The following LRMDA variants were observed in gnomAD, a reference collection of about 807,000 sequenced individuals.
The protein encoded by LRMDA is leucine rich melanocyte differentiation associated.
In LRMDA, 18 loss-of-function variants were observed where a neutral mutation model predicts 29.8. The ratio of observed to expected loss-of-function variants is 0.60; its 90% CI spans 0.42 to 0.90. The LOEUF (loss-of-function observed/expected upper bound fraction) is 0.90. Among genes scored for constraint, LRMDA ranks in the 40% least tolerant of loss-of-function variants. The probability of loss-of-function intolerance (pLI) is 0.00; values close to 1 mark genes in which losing one functional copy is unlikely to be tolerated. For synonymous variants in LRMDA, 125 were observed against 109.4 expected (o/e 1.14, Z -0.89); for missense variants, 273 against 273.9 (o/e 1.00, Z 0.02).
At chr10:76,468,989 A>G (rs1246260307) in intron 6 of LRMDA, among the ~76,000 whole-genome samples, 5 of 152,210 alleles carry the variant, frequency 3.3e-5, no homozygotes, top group Admixed American at 3.3e-4. Flanking sequence ...AAGCAAATGT[A>G]ACTGGTGAAG....
chr10:75,774,714 A>G (rs1008265813), intron 2 of LRMDA, among the ~76,000 whole-genome samples: 1 of 151,446 alleles, frequency 6.6e-6, no homozygotes, highest in Non-Finnish European at 1.5e-5. Context: ...TTTTTGCTTT[A>G]TTTATATCTG....
chr10:75,464,319 A>C (rs1054829503), intron 2 of LRMDA, among the ~76,000 whole-genome samples: 4 of 152,164 alleles, frequency 2.6e-5, no homozygotes, highest in Non-Finnish European at 4.4e-5. Context: ...GACATGTACT[A>C]ATGTTTGTGT....
Position 76,036,140 on chromosome 10 carries a change from CT to C in LRMDA, c.258+9del, listed in dbSNP as rs1239062379. On this transcript the variant is annotated splice_region_variant and intron_variant, in intron 3 of 6. Transcript: ENST00000611255. ...TAACCCTCAACAAGAACCGAATATC[CT>C]TTCCTCTGCCCGCTGCCCCCACTCC... The C allele has an allele frequency of 3.1e-6, 5 of 1,612,072 alleles. No homozygotes were observed. The highest frequency in any genetic ancestry group is 2.0e-4 in the Middle Eastern group (1 of 5,128).
intron 6 of LRMDA, among the ~76,000 whole-genome samples, chr10:76,469,280 A>G (rs1047955353): frequency 1.3e-5 from 2 of 152,020 alleles, no homozygotes; most frequent in African/African-American, 4.8e-5. Flanking sequence ...GGCTGCCAAC[A>G]TTTCTTATTC....
In LRMDA at chr10:76,233,210, A is replaced by G. The variant is rs549546691; in HGVS notation, c.517-91191A>G. Among the ~76,000 whole-genome samples, 9 of 152,368 alleles carry G rather than the reference A, an allele frequency of 5.9e-5. No homozygotes were observed. In the East Asian group the frequency reaches 1.7e-3, roughly 29 times the overall value. On this transcript the variant is annotated intron_variant, in intron 5 of 6. Transcript: ENST00000611255. ...ATAAAACAAAAATTGCAATAAAGCA[A>G]GTAACATGAATGTTTGGTTTTCCCA...
intron 2 of LRMDA, among the ~76,000 whole-genome samples, chr10:75,555,782 A>C (rs1009892936): frequency 3.3e-5 from 5 of 152,220 alleles, no homozygotes; most frequent in Non-Finnish European, 7.3e-5. Flanking sequence ...AATAGCAAGC[A>C]ATGATTTGAT....
At chr10:75,814,706 T>G (rs997435376) in intron 2 of LRMDA, among the ~76,000 whole-genome samples, 2 of 152,144 alleles carry the variant, frequency 1.3e-5, no homozygotes, top group Non-Finnish European at 2.9e-5. Context: ...TCAAGCCCAG[T>G]GATAAAAGCA....
intron 2 of LRMDA, among the ~76,000 whole-genome samples, chr10:75,721,034 T>C (rs1389357299): frequency 1.3e-5 from 2 of 152,196 alleles, no homozygotes; most frequent in Admixed American, 6.5e-5. Flanking sequence ...CCGTGGAAGA[T>C]AGGTGGAAAT....
chr10:76,324,442 C>T lies in LRMDA; in HGVS notation c.558C>T (p.Tyr186=). Residue 186 remains tyrosine, a synonymous_variant, in exon 6 of 7, where the codon TAC becomes TAT. Coordinates refer to ENST00000611255, the MANE Select transcript of LRMDA (RefSeq NM_001305581.2). ...EDVASSPERH[Y]TPLPSASREL... ...TTGCCAGCTCCCCGGAGCGCCACTA[C>T]ACGCCCTTGCCTTCTGCTTCCAGGG... 6.2e-7 allele frequency: 1 copy of T among 1,614,124 alleles called. No homozygotes were observed. Among genetic ancestry groups the T allele is most frequent in the South Asian group, 1.1e-5 (1 of 91,060 alleles).
At chr10:76,238,666 G>A (rs886540011) in intron 5 of LRMDA, among the ~76,000 whole-genome samples, 15 of 151,954 alleles carry the variant, frequency 9.9e-5, no homozygotes, top group African/African-American at 3.6e-4. Flanking sequence ...AACACAAAGG[G>A]AACACACAGA....
At chr10:76,401,349 A>G (rs1234470470) in intron 6 of LRMDA, among the ~76,000 whole-genome samples, 1 of 152,146 alleles carries the variant, frequency 6.6e-6, no homozygotes, top group Non-Finnish European at 1.5e-5. Context: ...CCTTTACCGC[A>G]TACCTGGCAT....
intron 6 of LRMDA, among the ~76,000 whole-genome samples, chr10:76,357,009 G>A (rs1841248927): frequency 6.6e-6 from 1 of 152,122 alleles, no homozygotes; most frequent in South Asian, 2.1e-4. Context: ...AGTCAAATAA[G>A]AAAGGTACAA....
chr10:76,466,716 T>C (rs1215597542), intron 6 of LRMDA, among the ~76,000 whole-genome samples: 1 of 152,102 alleles, frequency 6.6e-6, no homozygotes, highest in Non-Finnish European at 1.5e-5. Context: ...GAATTGAGCC[T>C]GGGAGTTCGA....
chr10:76,325,170 G>A (rs901007982), intron 6 of LRMDA, among the ~76,000 whole-genome samples: 6 of 152,096 alleles, frequency 3.9e-5, no homozygotes, highest in Non-Finnish European at 7.3e-5. Context: ...AGTGAACAGG[G>A]GCTATTCTAG....
intron 2 of LRMDA, among the ~76,000 whole-genome samples, chr10:75,675,716 T>G (rs545367595): frequency 7.6e-4 from 115 of 152,178 alleles, no homozygotes; most frequent in Middle Eastern, 3.4e-3. Context: ...ACTTTTTTTT[T>G]TTTGTTTGTT....
chr10:75,693,415 C>T (rs368025367), intron 2 of LRMDA, among the ~76,000 whole-genome samples: 2 of 152,184 alleles, frequency 1.3e-5, no homozygotes, highest in African/African-American at 4.8e-5. Context: ...TTTACATTAG[C>T]TTAACCAATC....
At chr10:75,776,531 A>T (rs1198831664) in intron 2 of LRMDA, among the ~76,000 whole-genome samples, 1 of 152,224 alleles carries the variant, frequency 6.6e-6, no homozygotes, top group Admixed American at 6.5e-5. Flanking sequence ...ATTATTTCCC[A>T]TTCCATGTTT....
chr10:76,391,265 C>T (rs1464765439), intron 6 of LRMDA, among the ~76,000 whole-genome samples: 4 of 152,112 alleles, frequency 2.6e-5, no homozygotes, highest in Non-Finnish European at 5.9e-5. Flanking sequence ...TCCTGGAGTG[C>T]CCTTAGCTGC....
chr10:76,517,486 T>C (rs956137581), intron 6 of LRMDA, among the ~76,000 whole-genome samples: 1 of 152,154 alleles, frequency 6.6e-6, no homozygotes, highest in South Asian at 2.1e-4. Flanking sequence ...TGGAATTGTG[T>C]TAGAAGTAAA....
Sources: gnomAD v4.1 joint callset for allele counts (sites outside exome capture counted in the v4.1 genomes callset) on GRCh38, gnomAD v4.1.1 for gene constraint, MANE v1.5 for transcripts, NCBI Gene and HGNC (gene_info 2026-07-23, HGNC 2026-07-21) for gene names.